The following EFCAB12 variants were observed in gnomAD, a reference collection of about 807,000 sequenced individuals.
EFCAB12 encodes EF-hand calcium-binding domain-containing protein 12.
A neutral mutation model predicts 53.6 loss-of-function variants in EFCAB12; 43 were observed. That is an observed-to-expected ratio of 0.80 (90% CI 0.63 to 1.03). The LOEUF (loss-of-function observed/expected upper bound fraction) is 1.03. EFCAB12 is among the 50% of genes least tolerant of loss of function. EFCAB12 has a pLI of 0.00. For synonymous variants in EFCAB12, 269 were observed against 289.2 expected (o/e 0.93, Z 0.71); for missense variants, 646 against 730.6 (o/e 0.88, Z 1.34).
chr3:129,411,162 T>C lies in EFCAB12; in HGVS notation c.1031A>G (p.His344Arg). Residue 344 changes from histidine (H) to arginine (R), a missense_variant, in exon 5 of 9, where the codon CAC becomes CGC. By Grantham distance (29) the His-to-Arg change is conservative. Coordinates refer to ENST00000505956, the MANE Select transcript of EFCAB12 (RefSeq NM_207307.3). ...GKRYRERQRQ[H>R]KLTIPSIQYT... ...CTCCTTGGGCTGGCGAGGTACCTTGTGCTGTCGCTGCCGCTCGCGGTACCG... is the reference window on the plus strand; with the variant it reads ...CTCCTTGGGCTGGCGAGGTACCTTGCGCTGTCGCTGCCGCTCGCGGTACCG... 6.3e-7 allele frequency: 1 copy of C among 1,576,876 alleles called. No homozygotes were observed. The highest frequency in any genetic ancestry group is 8.6e-7 in the Non-Finnish European group (1 of 1,161,676).
At position 129,418,317 on chromosome 3, in the gene EFCAB12, G is replaced by A; in HGVS notation, c.618C>T (p.His206=). ...TCTGGTTCTCACCCTGGCCCACCTT[G>A]TGAAATATCTCCAGGATCTTGATCT... ...SRKIKILEIF[H]KVGQGENQRI... Residue 206 remains histidine, a synonymous_variant, in exon 3 of 9, where the codon CAC becomes CAT. Transcript: ENST00000505956. The A allele has an allele frequency of 6.2e-7, 1 of 1,613,534 alleles. No individual in the cohort carries two copies. The highest frequency in any genetic ancestry group is 2.2e-5 in the East Asian group (1 of 44,888).
chr3:129,404,675 T>A (rs542453229), intron 6 of EFCAB12, among the ~76,000 whole-genome samples: 2 of 151,930 alleles, frequency 1.3e-5, no homozygotes, highest in East Asian at 3.9e-4. Context: ...TGGGACAATA[T>A]GGCTCAGGGG....
At chr3:129,415,150 G>C in intron 4 of EFCAB12, 95 bp downstream of exon 4, 1 of 1,413,266 alleles carries the variant, frequency 7.1e-7, no homozygotes, top group South Asian at 1.6e-5. Context: ...GGAACACACT[G>C]AGGAAGTGAG....
rs61752596 is a variant in EFCAB12 at position 129,421,681 on chromosome 3, G to A, written c.172C>T (p.Arg58Ter). 11 of 1,613,756 alleles carry A rather than the reference G, an allele frequency of 6.8e-6. No individual in the cohort carries two copies. Among genetic ancestry groups the A allele is most frequent in the South Asian group, 1.1e-5 (1 of 91,076 alleles). Residue 58 changes from arginine (R) to a stop codon, truncating the protein, a stop_gained, in exon 2 of 9, where the codon CGA becomes TGA. Transcript: ENST00000505956. LOFTEE classifies it high-confidence loss of function. ...KDFRLPQTRRRIIMVPRKEDQ... is the reference protein window; with the variant it reads ...KDFRLPQTRR The stretch of plus-strand genomic sequence containing the variant: ...TCCTTGCGAGGCACCATGATGATTC[G>A]CCGGCGGGTCTGAGGCAGGCGGAAG...
intron 5 of EFCAB12, among the ~76,000 whole-genome samples, chr3:129,409,443 AAAAAG>A (rs1209323452): frequency 4.6e-5 from 7 of 152,224 alleles, no homozygotes; most frequent in Admixed American, 6.5e-5. Flanking sequence ...ACTGTCTCAA[AAAAAG>A]AAAAGAAAAG....
chr3:129,403,328 G>C (rs2071901042), intron 7 of EFCAB12: 1 of 152,380 alleles, frequency 6.6e-6, no homozygotes, highest in Admixed American at 6.5e-5. Context: ...ATTGAGTGCT[G>C]TCCCTGCTAA....
chr3:129,407,706 G>C (rs971112455), intron 6 of EFCAB12, among the ~76,000 whole-genome samples: 1 of 152,190 alleles, frequency 6.6e-6, no homozygotes, highest in Non-Finnish European at 1.5e-5. Context: ...CTGAGGTCAG[G>C]AGTTCAAGAC....
intron 1 of EFCAB12, among the ~76,000 whole-genome samples, chr3:129,424,462 G>T (rs1306304267): frequency 2.6e-5 from 4 of 152,238 alleles, no homozygotes; most frequent in African/African-American, 7.2e-5. Flanking sequence ...TCCTTCTTGG[G>T]TTATGTAAGA....
intron 1 of EFCAB12, among the ~76,000 whole-genome samples, chr3:129,426,930 C>T (rs1051227731): frequency 2.7e-5 from 4 of 149,286 alleles, no homozygotes; most frequent in African/African-American, 1.0e-4. Context: ...TCACTGCAAG[C>T]TCCACCTCCC....
At chr3:129,424,909 T>A (rs1048107240) in intron 1 of EFCAB12, among the ~76,000 whole-genome samples, 3 of 152,144 alleles carry the variant, frequency 2.0e-5, no homozygotes, top group African/African-American at 7.2e-5. Flanking sequence ...AAATGCTGAC[T>A]GTGGGACCTG....
intron 5 of EFCAB12, 62 bp from the exon 6 acceptor site, chr3:129,408,920 A>G: frequency 6.5e-7 from 1 of 1,528,884 alleles, no homozygotes; most frequent in South Asian, 1.2e-5. Flanking sequence ...CCTGGCCAGA[A>G]GAAGGAAGAT....
Position 129,408,679 on chromosome 3 carries a change from A to G in EFCAB12, c.1215T>C (p.Tyr405=), listed in dbSNP as rs1427320286. ...YLQCWKLCKS[Y]GLPLTEDILM... ...GGATGTCCTCTGTCAGCGGGAGGCCATAGGACTTACAGAGCTTCCAGCATT... is the reference window on the plus strand; with the variant it reads ...GGATGTCCTCTGTCAGCGGGAGGCCGTAGGACTTACAGAGCTTCCAGCATT... Residue 405 remains tyrosine (Y), a synonymous_variant, in exon 6 of 9, where the codon TAT becomes TAC. Transcript: ENST00000505956. 3.8e-6 allele frequency: 6 copies of G among 1,584,942 alleles called. No individual in the cohort carries two copies. In the African/African-American group the frequency reaches 8.1e-5, roughly 21 times the overall value.
intron 7 of EFCAB12, 99 bp downstream of exon 7, chr3:129,404,151 G>T: frequency 1.3e-6 from 2 of 1,490,264 alleles, no homozygotes; most frequent in Non-Finnish European, 1.8e-6. Context: ...CGCAAGCACA[G>T]CATGGCGCCC....
chr3:129,421,925 T>C lies in EFCAB12; in HGVS notation c.50-122A>G, dbSNP rs553677991. The C allele has an allele frequency of 7.0e-4, 687 of 976,474 alleles. 7 individuals carry two copies. The South Asian group carries it at 0.011, about 16-fold the overall frequency. The allele number at this position is 976,474 out of a possible 1,614,324, so 60.5% of individuals were successfully genotyped here. On this transcript the variant is annotated intron_variant, in intron 1 of 8. Coordinates refer to ENST00000505956, the MANE Select transcript of EFCAB12 (RefSeq NM_207307.3). Reference sequence around the variant, plus strand: ...GCCCTGGATCCCAGGCCAGGCTTTATCATTGTCTTGCTGTAATCGTAAGGA... The same window carrying C: ...GCCCTGGATCCCAGGCCAGGCTTTACCATTGTCTTGCTGTAATCGTAAGGA...
At chr3:129,422,751 C>G (rs754830645) in intron 1 of EFCAB12, among the ~76,000 whole-genome samples, 12 of 152,152 alleles carry the variant, frequency 7.9e-5, no homozygotes, top group Non-Finnish European at 1.6e-4. Flanking sequence ...TGATATTTTT[C>G]AATCTGAGCT....
At chr3:129,402,642 G>A in intron 7 of EFCAB12, 63 bp from the exon 8 acceptor site, 1 of 1,544,898 alleles carries the variant, frequency 6.5e-7, no homozygotes, top group Non-Finnish European at 8.8e-7. Context: ...GGGGCTTTAG[G>A]GAGTAGGTCA....
At chr3:129,420,944 G>T (rs1339421088) in intron 2 of EFCAB12, among the ~76,000 whole-genome samples, 1 of 152,264 alleles carries the variant, frequency 6.6e-6, no homozygotes, top group East Asian at 1.9e-4. Context: ...CACTTAAGCA[G>T]CCCTATGGAG....
At chr3:129,420,024 C>T (rs1175848272) in intron 2 of EFCAB12, among the ~76,000 whole-genome samples, 1 of 152,218 alleles carries the variant, frequency 6.6e-6, no homozygotes, top group Non-Finnish European at 1.5e-5. Context: ...CAATGCCACA[C>T]AGCAGGTAAG....
chr3:129,428,608 C>T lies in EFCAB12; in HGVS notation c.-120G>A, dbSNP rs1254248592. On this transcript the variant is annotated 5_prime_UTR_variant, in exon 1 of 9. Coordinates refer to ENST00000505956, the MANE Select transcript of EFCAB12 (RefSeq NM_207307.3). ...GTAACTCCAAGTCGTGCGAAAGGCGCTCAGCTCAGACTGCAGAAGCAACCT... is the reference window on the plus strand; with the variant it reads ...GTAACTCCAAGTCGTGCGAAAGGCGTTCAGCTCAGACTGCAGAAGCAACCT... The T allele has an allele frequency of 7.8e-7, 1 of 1,288,818 alleles. No homozygotes were observed. The highest frequency in any genetic ancestry group is 2.5e-5 in the East Asian group (1 of 39,302). The allele number at this position is 1,288,818 out of a possible 1,614,324, so 79.8% of individuals were successfully genotyped here. A position where few individuals can be genotyped will look rare whatever the true frequency, so the allele number is the denominator to read the frequency against.
Sources: gnomAD v4.1 joint callset for allele counts (sites outside exome capture counted in the v4.1 genomes callset) on GRCh38, gnomAD v4.1.1 for gene constraint, MANE v1.5 for transcripts, NCBI Gene and HGNC (gene_info 2026-07-23, HGNC 2026-07-21) for gene names.